Variants in RAD54L2 observed in about 807,000 individuals in gnomAD.
RAD54L2 encodes RAD54 like 2.
A neutral mutation model predicts 138.4 loss-of-function variants in RAD54L2; 27 were observed. The ratio of observed to expected loss-of-function variants is 0.20; its 90% CI spans 0.14 to 0.27. The LOEUF is 0.27. RAD54L2 is among the 10% of genes least tolerant of loss of function. RAD54L2 has a pLI of 1.00. For synonymous variants in RAD54L2, 644 were observed against 723.2 expected (o/e 0.89, Z 1.76); for missense variants, 1,396 against 1,890.2 (o/e 0.74, Z 4.85).
chr3:51,541,311 A>G (rs531694955), intron 1 of RAD54L2: 166 of 152,330 alleles, frequency 1.1e-3, no homozygotes, highest in African/African-American at 3.9e-3. Flanking sequence ...GTGACAGTTA[A>G]TTATCTTAAC....
chr3:51,600,710 T>C (rs1330389835), intron 3 of RAD54L2, among the ~76,000 whole-genome samples: 1 of 152,348 alleles, frequency 6.6e-6, no homozygotes, highest in South Asian at 2.1e-4. Flanking sequence ...CTCACGCCTG[T>C]AATCTCAGTA....
chr3:51,598,033 A>G (rs1322663736), intron 3 of RAD54L2, among the ~76,000 whole-genome samples: 1 of 151,274 alleles, frequency 6.6e-6, no homozygotes, highest in Non-Finnish European at 1.5e-5. Flanking sequence ...GAGAAAGAAA[A>G]AGAGCAAGAG....
chr3:51,596,208 G>A (rs1341008467), intron 3 of RAD54L2, among the ~76,000 whole-genome samples: 1 of 146,412 alleles, frequency 6.8e-6, no homozygotes, highest in African/African-American at 2.5e-5. Flanking sequence ...AATTACAGGC[G>A]TGAGCCACCG....
At chr3:51,553,887 C>T (rs1449621144) in intron 2 of RAD54L2, among the ~76,000 whole-genome samples, 2 of 152,128 alleles carry the variant, frequency 1.3e-5, no homozygotes, top group African/African-American at 2.4e-5. Flanking sequence ...TTCCTAATAG[C>T]ATTATGTCTA....
At chr3:51,617,821 G>GT (rs1700477469) in intron 3 of RAD54L2, among the ~76,000 whole-genome samples, 1 of 152,212 alleles carries the variant, frequency 6.6e-6, no homozygotes. Context: ...TCAGGCTGCA[G>GT]TGAGTGAGCC....
intron 2 of RAD54L2, among the ~76,000 whole-genome samples, chr3:51,548,971 A>C (rs547461034): frequency 4.6e-5 from 7 of 151,674 alleles, no homozygotes; most frequent in Non-Finnish European, 8.8e-5. Context: ...TTACAGGTGC[A>C]GGCCACCATG....
intron 19 of RAD54L2, among the ~76,000 whole-genome samples, chr3:51,647,664 C>G (rs957417831): frequency 6.6e-6 from 1 of 152,006 alleles, no homozygotes; most frequent in East Asian, 1.9e-4. Context: ...AGCAAAACTC[C>G]GTCTCAAAAA....
intron 3 of RAD54L2, among the ~76,000 whole-genome samples, chr3:51,598,515 G>A (rs1011040551): frequency 6.6e-6 from 1 of 152,076 alleles, no homozygotes; most frequent in Non-Finnish European, 1.5e-5. Flanking sequence ...GCACTTTTGG[G>A]AGGCTGAGGA....
chr3:51,657,641 G>C lies in RAD54L2; in HGVS notation c.3288G>C (p.Glu1096Asp). The C allele has an allele frequency of 6.3e-7, 1 of 1,580,798 alleles. No individual in the cohort carries two copies. The highest frequency in any genetic ancestry group is 8.6e-7 in the Non-Finnish European group (1 of 1,161,078). Residue 1096 changes from glutamate to aspartate, a missense_variant, in exon 21 of 23, where the codon GAG becomes GAC. Coordinates refer to ENST00000684192, the MANE Select transcript of RAD54L2 (RefSeq NM_015106.4). ...TACAGGCAAGAATTAATGCTGGTGA[G>C]AGCATCCACATCATCCGTGGGACAA... ...TDVQARINAGESIHIIRGTKG... is the reference protein window; with the variant it reads ...TDVQARINAGDSIHIIRGTKG...
chr3:51,630,695 G>T lies in RAD54L2; in HGVS notation c.599-10G>T, dbSNP rs1367188532. 2.5e-6 allele frequency: 4 copies of T among 1,601,980 alleles called. No individual in the cohort carries two copies. Among genetic ancestry groups the T allele is most frequent in the Admixed American group, 3.5e-5 (2 of 57,864 alleles). On this transcript the variant is annotated splice_polypyrimidine_tract_variant and intron_variant, in intron 6 of 22. Transcript: ENST00000684192. ...TGGATTTTTGGTTTTGCTTTTTTTT[G>T]CTGTCTCAGAGGTGATTGAACTGAG...
intron 2 of RAD54L2, among the ~76,000 whole-genome samples, chr3:51,561,398 G>A (rs1189536428): frequency 2.0e-5 from 3 of 151,630 alleles, no homozygotes; most frequent in Non-Finnish European, 4.4e-5. Flanking sequence ...GGCATGTGCC[G>A]CCATGCCCGG....
chr3:51,636,374 G>C (rs1319153855), intron 10 of RAD54L2, among the ~76,000 whole-genome samples: 1 of 152,210 alleles, frequency 6.6e-6, no homozygotes, highest in Non-Finnish European at 1.5e-5. Context: ...TTCTATGGTA[G>C]AGCTGGGATG....
At chr3:51,617,168 A>G (rs1230339812) in intron 3 of RAD54L2, among the ~76,000 whole-genome samples, 1 of 152,096 alleles carries the variant, frequency 6.6e-6, no homozygotes, top group Non-Finnish European at 1.5e-5. Context: ...GCTGCTCTGA[A>G]CGTTCATCTA....
chr3:51,556,828 T>A (rs772972179), intron 2 of RAD54L2, among the ~76,000 whole-genome samples: 10 of 151,876 alleles, frequency 6.6e-5, no homozygotes, highest in Non-Finnish European at 1.3e-4. Flanking sequence ...CGCCCGCCTC[T>A]GCCTCCCAAA....
chr3:51,645,559 T>G lies in RAD54L2; in HGVS notation c.2657-32T>G, dbSNP rs1701258161. The stretch of plus-strand genomic sequence containing the variant: ...GACCTTTACAGTTTTTAATGCCATG[T>G]GCTGACTTTCTTCATGTCTTTATCC... On this transcript the variant is annotated intron_variant, in intron 17 of 22. Coordinates refer to ENST00000684192, the MANE Select transcript of RAD54L2 (RefSeq NM_015106.4). The surrounding 1 kb of genome is among the most constrained non-coding windows in gnomAD (Gnocchi z 6.1). 2.5e-6 allele frequency: 4 copies of G among 1,573,576 alleles called. No homozygotes were observed. The highest frequency in any genetic ancestry group is 3.5e-6 in the Non-Finnish European group (4 of 1,158,800).
chr3:51,644,511 C>G (rs1483565234), intron 16 of RAD54L2, among the ~76,000 whole-genome samples: 5 of 152,130 alleles, frequency 3.3e-5, no homozygotes, highest in African/African-American at 1.2e-4. Context: ...TAGCTTTTCT[C>G]TCAGGAGTGT....
At chr3:51,561,354 T>G (rs2106638921) in intron 2 of RAD54L2, among the ~76,000 whole-genome samples, 1 of 152,270 alleles carries the variant, frequency 6.6e-6, no homozygotes, top group East Asian at 1.9e-4. Flanking sequence ...CAAGTGATTC[T>G]CCTGCCTCAG....
chr3:51,548,262 C>T (rs911926037), intron 2 of RAD54L2, among the ~76,000 whole-genome samples: 1 of 152,100 alleles, frequency 6.6e-6, no homozygotes, highest in Admixed American at 6.6e-5. Flanking sequence ...GATCTCAGCT[C>T]ACTGCAACCT....
chr3:51,554,292 T>A (rs183803709), intron 2 of RAD54L2, among the ~76,000 whole-genome samples: 1 of 150,112 alleles, frequency 6.7e-6, no homozygotes, highest in Middle Eastern at 3.2e-3. Context: ...TCTTGAACCC[T>A]GGAAGCGGAG....
Sources: allele counts gnomAD v4.1 joint callset (sites outside exome capture counted in the v4.1 genomes callset), GRCh38; gene constraint gnomAD v4.1.1; non-coding constraint Gnocchi (gnomAD v3.1); transcripts MANE v1.5; gene names NCBI Gene and HGNC (gene_info 2026-07-23, HGNC 2026-07-21).